The following PRICKLE1 variants were observed in gnomAD, a reference collection of about 807,000 sequenced individuals.
PRICKLE1 encodes prickle planar cell polarity protein 1.
In PRICKLE1, 14 loss-of-function variants were observed where a neutral mutation model predicts 70.2. The observed-to-expected ratio is 0.20, with a 90% CI of 0.13 to 0.31. PRICKLE1 has a LOEUF of 0.31. PRICKLE1 is among the 10% of genes least tolerant of loss of function. The pLI, the probability that PRICKLE1 is intolerant of heterozygous loss-of-function variation, is 1.00. For missense variants in PRICKLE1, 821 were observed against 1,026.2 expected, an observed-to-expected ratio of 0.80 and a Z score of 2.73; for synonymous variants, 357 against 379.9, an observed-to-expected ratio of 0.94 and a Z score of 0.70.
intron 1 of PRICKLE1, among the ~76,000 whole-genome samples, chr12:42,576,608 A>G (rs1940810138): frequency 6.6e-6 from 1 of 152,230 alleles, no homozygotes; most frequent in Non-Finnish European, 1.5e-5. Context: ...ATTAATGTCA[A>G]ATTTATTAGT....
intron 1 of PRICKLE1, among the ~76,000 whole-genome samples, chr12:42,553,194 G>A (rs1380557353): frequency 6.6e-6 from 1 of 151,928 alleles, no homozygotes; most frequent in Non-Finnish European, 1.5e-5. Flanking sequence ...TGTAATCCCA[G>A]CACTCTGGGA....
intron 1 of PRICKLE1, among the ~76,000 whole-genome samples, chr12:42,559,606 G>GTATATA (rs1202538313): frequency 3.6e-5 from 4 of 110,730 alleles, no homozygotes; most frequent in East Asian, 3.0e-4. Context: ...GTGTGTGTGT[G>GTATATA]TATATATATA....
In PRICKLE1 at chr12:42,457,924, A is replaced by G. The variant is rs936202063; in HGVS notation, c.*1885T>C. 2 of 152,164 alleles carry G rather than the reference A, an allele frequency of 1.3e-5. No homozygotes were observed. The highest frequency in any genetic ancestry group is 2.9e-5 in the Non-Finnish European group (2 of 68,052). 9.4% of individuals were successfully genotyped at this position (152,164 alleles called of 1,614,324 possible). A position where few individuals can be genotyped will look rare whatever the true frequency, so the allele number is the denominator to read the frequency against. On this transcript the variant is annotated 3_prime_UTR_variant, in exon 8 of 8. Coordinates refer to ENST00000345127, the MANE Select transcript of PRICKLE1 (RefSeq NM_153026.3). ...AGATGCTGTCTCTGACTTTTGCCCTATTTGAATTTTTTTGTCATGTGTATG... is the reference window on the plus strand; with the variant it reads ...AGATGCTGTCTCTGACTTTTGCCCTGTTTGAATTTTTTTGTCATGTGTATG...
In PRICKLE1 at chr12:42,497,567, T is replaced by A. The variant is rs948628878; in HGVS notation, c.-48-25003A>T. 1.7e-3 allele frequency among the ~76,000 whole-genome samples: 204 copies of A among 120,744 alleles called. 1 individual carries two copies. Among genetic ancestry groups the A allele is most frequent in the Non-Finnish European group, 2.6e-3 (143 of 54,062 alleles). The allele number at this position is 120,744 out of a possible 152,430, so 79.2% of individuals were successfully genotyped here. A position where few individuals can be genotyped will look rare whatever the true frequency, so the allele number is the denominator to read the frequency against. On this transcript the variant is annotated intron_variant, in intron 1 of 7. Transcript: ENST00000345127. ...ATCTCAAAAAAAAAAAAAAAAAAAATTCGATTAAATTTGCCATCTTATATG... is the reference window on the plus strand; with the variant it reads ...ATCTCAAAAAAAAAAAAAAAAAAAAATCGATTAAATTTGCCATCTTATATG...
intron 1 of PRICKLE1, among the ~76,000 whole-genome samples, chr12:42,557,134 T>C (rs530748618): frequency 6.6e-6 from 1 of 152,078 alleles, no homozygotes; most frequent in South Asian, 2.1e-4. Flanking sequence ...TCTACCAGAG[T>C]GGTGACTGGT....
intron 1 of PRICKLE1, among the ~76,000 whole-genome samples, chr12:42,532,389 A>C (rs982829823): frequency 2.0e-5 from 3 of 152,242 alleles, no homozygotes; most frequent in African/African-American, 7.2e-5. Flanking sequence ...AAAATTATGC[A>C]GCTATAAAAC....
intron 1 of PRICKLE1, among the ~76,000 whole-genome samples, chr12:42,544,631 C>T (rs1353938485): frequency 1.3e-5 from 2 of 152,184 alleles, no homozygotes; most frequent in East Asian, 3.8e-4. Context: ...ACCAAAAACT[C>T]TAAAGATAAT....
intron 5 of PRICKLE1, among the ~76,000 whole-genome samples, chr12:42,467,606 C>T (rs145559752): frequency 7.4e-4 from 112 of 151,814 alleles, no homozygotes; most frequent in African/African-American, 2.6e-3. Context: ...ATTAGCTGGG[C>T]GTGGTGGTGG....
chr12:42,518,260 T>C, intron 1 of PRICKLE1, among the ~76,000 whole-genome samples: 1 of 152,112 alleles, frequency 6.6e-6, no homozygotes, highest in East Asian at 1.9e-4. Context: ...CCCAGGCTGG[T>C]CTTGAACTCC....
At chr12:42,539,467 C>CAA (rs71084669) in intron 1 of PRICKLE1, among the ~76,000 whole-genome samples, 4 of 90,768 alleles carry the variant, frequency 4.4e-5, no homozygotes, top group Admixed American at 1.2e-4. Context: ...GACTCTGTCT[C>CAA]AAAAAAAAAA....
intron 1 of PRICKLE1, among the ~76,000 whole-genome samples, chr12:42,520,208 A>T (rs1487595886): frequency 2.0e-5 from 3 of 152,226 alleles, no homozygotes; most frequent in African/African-American, 7.2e-5. Context: ...GATGTGGGAT[A>T]GTTATATGTA....
chr12:42,465,369 TGGGTG>T, intron 6 of PRICKLE1, 111 bp from the exon 7 acceptor site: 2 of 977,656 alleles, frequency 2.0e-6, no homozygotes, highest in Non-Finnish European at 3.1e-6. Context: ...GGGAGCTGTG[TGGGTG>T]ACACAGATAT....
At chr12:42,500,273 T>G (rs1470789352) in intron 1 of PRICKLE1, among the ~76,000 whole-genome samples, 1 of 152,248 alleles carries the variant, frequency 6.6e-6, no homozygotes, top group African/African-American at 2.4e-5. Flanking sequence ...AGCAGTTCAT[T>G]GTACCATCTT....
intron 1 of PRICKLE1, among the ~76,000 whole-genome samples, chr12:42,527,917 ATATATATATATATAT>A (rs1566114202): frequency 4.3e-5 from 5 of 117,638 alleles, no homozygotes; most frequent in Non-Finnish European, 8.6e-5. Context: ...ACTCTTTATA[ATATATATATATATAT>A]ATATATATAT....
rs1940665932 is a variant in PRICKLE1, at chr12:42,568,967, CCAATACA to C, written c.-49+20491_-49+20497del. Reference sequence around the variant, plus strand: ...TCTCTCAGAGAGCAACACTGACATACCAATACACAGTGAAGGCATACTATTTTCCATA... The same window carrying C: ...TCTCTCAGAGAGCAACACTGACATACCAGTGAAGGCATACTATTTTCCATA... On this transcript the variant is annotated intron_variant, in intron 1 of 7. Coordinates refer to ENST00000345127, the MANE Select transcript of PRICKLE1 (RefSeq NM_153026.3). 2.0e-5 allele frequency among the ~76,000 whole-genome samples: 3 copies of C among 152,282 alleles called. No homozygotes were observed. In the South Asian group the frequency reaches 6.2e-4, roughly 32 times the overall value.
intron 1 of PRICKLE1, among the ~76,000 whole-genome samples, chr12:42,544,454 G>C (rs771447762): frequency 1.2e-4 from 18 of 152,204 alleles, no homozygotes; most frequent in South Asian, 2.1e-4. Flanking sequence ...TTCAGGATTT[G>C]GGCTGGGAAT....
intron 1 of PRICKLE1, among the ~76,000 whole-genome samples, chr12:42,506,477 G>C (rs1023947182): frequency 6.7e-6 from 1 of 149,774 alleles, no homozygotes; most frequent in Non-Finnish European, 1.5e-5. Context: ...GTGTGGTCTT[G>C]AACTCCTGAC....
intron 1 of PRICKLE1, among the ~76,000 whole-genome samples, chr12:42,580,799 A>G (rs533713198): frequency 5.1e-4 from 77 of 152,294 alleles, no homozygotes; most frequent in African/African-American, 1.8e-3. Flanking sequence ...AATGACATCT[A>G]TAATATTTTG....
At position 42,477,464 on chromosome 12, in the gene PRICKLE1, A is replaced by ATGTGTG. The variant is rs1242662444; in HGVS notation, c.-48-4906_-48-4901dup. On this transcript the variant is annotated intron_variant, in intron 1 of 7. Transcript: ENST00000345127. ...TGTGTATATATGTATATACGTATAT[A>ATGTGTG]TGTGTGTGTGTGTGTGTGTATATAT... 2.1e-3 allele frequency among the ~76,000 whole-genome samples: 231 copies of ATGTGTG among 107,644 alleles called. 2 individuals are homozygous for ATGTGTG. The highest frequency in any genetic ancestry group is 5.0e-3 in the Middle Eastern group (1 of 200). 70.6% of individuals were successfully genotyped at this position (107,644 alleles called of 152,430 possible).
Sources: allele counts gnomAD v4.1 joint callset (sites outside exome capture counted in the v4.1 genomes callset), GRCh38; gene constraint gnomAD v4.1.1; transcripts MANE v1.5; gene names NCBI Gene and HGNC (gene_info 2026-07-23, HGNC 2026-07-21).